The following TBCD variants were observed in gnomAD, a reference collection of about 807,000 sequenced individuals.
TBCD encodes the protein tubulin-specific chaperone D.
In TBCD, 105 loss-of-function variants were observed where a neutral mutation model predicts 169.3. The observed-to-expected ratio is 0.62, with a 90% confidence interval of 0.53 to 0.73. The LOEUF is 0.73. Ranked by LOEUF, TBCD falls within the 30% of genes least tolerant of loss-of-function variation. The pLI is 0.00. For missense variants in TBCD, 1,444 were observed against 1,600.1 expected, an observed-to-expected ratio of 0.90 and a Z score of 1.66; for synonymous variants, 700 against 643.9, an observed-to-expected ratio of 1.09 and a Z score of -1.32.
intron 6 of TBCD, among the ~76,000 whole-genome samples, chr17:82,776,668 C>T (rs1040239809): frequency 2.6e-5 from 4 of 152,130 alleles, no homozygotes; most frequent in African/African-American, 4.8e-5. Flanking sequence ...TGAGCAGTCA[C>T]GGACGCCTGG....
chr17:82,753,118 G>A (rs891712931), intron 1 of TBCD, among the ~76,000 whole-genome samples: 6 of 152,190 alleles, frequency 3.9e-5, no homozygotes, highest in African/African-American at 1.4e-4. Flanking sequence ...TTGTAATTCA[G>A]TAAAATCATC....
chr17:82,760,484 T>C (rs1218899155), intron 2 of TBCD, among the ~76,000 whole-genome samples: 1 of 152,224 alleles, frequency 6.6e-6, no homozygotes, highest in Non-Finnish European at 1.5e-5. Flanking sequence ...CTAGGTATGT[T>C]TTGTCTTTTA....
At chr17:82,872,646 A>C (rs1266071202) in intron 14 of TBCD, among the ~76,000 whole-genome samples, 1 of 151,398 alleles carries the variant, frequency 6.6e-6, no homozygotes, top group African/African-American at 2.4e-5. Context: ...GAAAGCAAAA[A>C]AATGTATCTT....
chr17:82,774,663 G>A lies in TBCD; in HGVS notation c.638+2156G>A, dbSNP rs370846785. Among the ~76,000 whole-genome samples the A allele has an allele frequency of 9.9e-4, 151 of 152,252 alleles. 1 individual carries two copies. The highest frequency in any genetic ancestry group is 3.2e-3 in the African/African-American group (133 of 41,550). On this transcript the variant is annotated intron_variant, in intron 6 of 38. Transcript: ENST00000355528. ...CCCCCCACCTCCCAGACGGAGCGGCGGCCGGGCGGGGGCTGCCCCCCACCC... is the reference window on the plus strand; with the variant it reads ...CCCCCCACCTCCCAGACGGAGCGGCAGCCGGGCGGGGGCTGCCCCCCACCC...
At chr17:82,909,205 C>A in intron 21 of TBCD, 80 bp from the exon 22 acceptor site, 2 of 1,194,392 alleles carry the variant, frequency 1.7e-6, no homozygotes, top group South Asian at 1.5e-5. Context: ...TCTCTTTGTT[C>A]TTGTTTTTGA....
chr17:82,787,783 G>A (rs2049420651), intron 7 of TBCD, among the ~76,000 whole-genome samples: 1 of 152,202 alleles, frequency 6.6e-6, no homozygotes, highest in African/African-American at 2.4e-5. Flanking sequence ...TGCAGTGAGG[G>A]TTTTTAACTC....
chr17:82,781,579 C>CT lies in TBCD; in HGVS notation c.639-6dup. On this transcript the variant is annotated splice_polypyrimidine_tract_variant and intron_variant, in intron 6 of 38. Transcript: ENST00000355528. Reference sequence around the variant, plus strand: ...GCTGAGGCCTTGGTTGAGCTGTATCCTTTTGGCAGATTTATCACACGTCCT... The same window carrying CT: ...GCTGAGGCCTTGGTTGAGCTGTATCCTTTTTGGCAGATTTATCACACGTCCT... 6.2e-7 allele frequency: 1 copy of CT among 1,613,410 alleles called. No homozygotes were observed. Among genetic ancestry groups the CT allele is most frequent in the Non-Finnish European group, 8.5e-7 (1 of 1,179,802 alleles).
At chr17:82,892,323 T>C (rs922770252) in intron 16 of TBCD, among the ~76,000 whole-genome samples, 3 of 152,190 alleles carry the variant, frequency 2.0e-5, no homozygotes, top group Non-Finnish European at 2.9e-5. Context: ...GCACCTGCTG[T>C]CTTTCTGCAG....
intron 5 of TBCD, among the ~76,000 whole-genome samples, chr17:82,770,955 A>G (rs533040450): frequency 6.6e-6 from 1 of 150,814 alleles, no homozygotes; most frequent in South Asian, 2.1e-4. Context: ...AGGCTGAGGC[A>G]GAGAATTGCT....
At chr17:82,813,306 G>A (rs565133707) in intron 12 of TBCD, among the ~76,000 whole-genome samples, 1 of 151,676 alleles carries the variant, frequency 6.6e-6, no homozygotes, top group African/African-American at 2.4e-5. Flanking sequence ...CCGCTCATCC[G>A]CCCACTCATA....
intron 4 of TBCD, 65 bp from the exon 5 acceptor site, chr17:82,768,355 A>G (rs941490595): frequency 1.9e-6 from 3 of 1,591,708 alleles, no homozygotes; most frequent in Non-Finnish European, 2.6e-6. Context: ...GACTTTGAGT[A>G]GATTGTGGCC....
intron 17 of TBCD, among the ~76,000 whole-genome samples, chr17:82,899,264 C>CGTGTCCTCAGCGCGT (rs1467584559): frequency 1.4e-5 from 2 of 144,532 alleles, no homozygotes; most frequent in African/African-American, 2.6e-5. Context: ...CCTCAGCGTG[C>CGTGTCCTCAGCGCGT]GTGTCCTCAG....
At chr17:82,865,729 A>G (rs2057124992) in intron 13 of TBCD, among the ~76,000 whole-genome samples, 1 of 152,208 alleles carries the variant, frequency 6.6e-6, no homozygotes, top group Non-Finnish European at 1.5e-5. Context: ...CTATATGATG[A>G]TTTTTTGTGG....
chr17:82,859,831 T>C, intron 13 of TBCD: 1 of 985,392 alleles, frequency 1.0e-6, no homozygotes, highest in Non-Finnish European at 1.2e-6. Context: ...GATTCATCAG[T>C]GGGCGGTGAG....
chr17:82,765,659 C>T (rs113889954), intron 3 of TBCD, among the ~76,000 whole-genome samples: 1,654 of 152,264 alleles, frequency 0.011, 30 homozygotes, highest in African/African-American at 0.038. Context: ...CTCCGGAAGG[C>T]GTGGTATCAC....
At chr17:82,914,982 GCTGT>G (rs2060925962) in intron 23 of TBCD, among the ~76,000 whole-genome samples, 1 of 152,154 alleles carries the variant, frequency 6.6e-6, no homozygotes, top group Non-Finnish European at 1.5e-5. Context: ...CAGTTTTTTA[GCTGT>G]CTGTTTTCCT....
chr17:82,937,965 T>C (rs72861574), intron 35 of TBCD, 84 bp from the exon 36 acceptor site: 35,006 of 1,576,244 alleles, frequency 0.022, 424 homozygotes, highest in Non-Finnish European at 0.025. Context: ...CCCAGGTCTC[T>C]GCATGGGCCT....
intron 13 of TBCD, among the ~76,000 whole-genome samples, chr17:82,863,940 G>A (rs529839217): frequency 6.6e-6 from 1 of 152,308 alleles, no homozygotes; most frequent in Admixed American, 6.5e-5. Context: ...GCCTCACAGC[G>A]GCAGTCCGAC....
intron 13 of TBCD, among the ~76,000 whole-genome samples, chr17:82,819,429 G>C (rs1012601105): frequency 6.6e-6 from 1 of 152,180 alleles, no homozygotes; most frequent in Non-Finnish European, 1.5e-5. Flanking sequence ...TGTGCTGTAA[G>C]CCTATTTCTT....
Sources: allele counts gnomAD v4.1 joint callset (sites outside exome capture counted in the v4.1 genomes callset), GRCh38; gene constraint gnomAD v4.1.1; transcripts MANE v1.5; gene names NCBI Gene and HGNC (gene_info 2026-07-23, HGNC 2026-07-21).